Variants in MYORG observed in about 807,000 individuals in gnomAD.
The protein encoded by MYORG is alpha-galactosidase MYORG.
In MYORG, 45 loss-of-function variants were observed where a neutral mutation model predicts 49.8. The ratio of observed to expected loss-of-function variants is 0.90; its 90% CI spans 0.71 to 1.16. The LOEUF is 1.16. Ranked by LOEUF, MYORG falls within the 50% of genes most tolerant of loss-of-function variation. The pLI is 0.00. For synonymous variants in MYORG, 552 were observed against 462.9 expected (o/e 1.19, Z -2.47); for missense variants, 1,110 against 1,026.5 (o/e 1.08, Z -1.11).
At position 34,371,267 on chromosome 9, in the gene MYORG, C is replaced by T. The variant is rs1328504885; in HGVS notation, c.1677G>A (p.Val559=). 6.2e-7 allele frequency: 1 copy of T among 1,608,726 alleles called. No homozygotes were observed. The highest frequency in any genetic ancestry group is 1.3e-5 in the African/African-American group (1 of 74,900). ...ILPDMVGGNA[V]PQRTAGGDVP... is the part of the protein sequence containing the mutation. ...CATCGCCGCCGGCTGTCCGCTGGGG[C>T]ACGGCGTTGCCGCCCACCATATCGG... The change falls in exon 2 of 2, where the codon GTG becomes GTA. Residue 559 remains valine, a synonymous_variant. Transcript: ENST00000297625.
chr9:34,373,675 A>T (rs1452089793), intron 1 of MYORG, among the ~76,000 whole-genome samples: 1 of 152,066 alleles, frequency 6.6e-6, no homozygotes, highest in African/African-American at 2.4e-5. Context: ...CTGGCTTCGA[A>T]CTCATGACCT....
In MYORG at chr9:34,372,518, C is replaced by T. The variant is rs751344384; in HGVS notation, c.426G>A (p.Pro142=). The T allele has an allele frequency of 1.1e-5, 18 of 1,600,610 alleles. No homozygotes were observed. The highest frequency in any genetic ancestry group is 1.3e-5 in the Non-Finnish European group (15 of 1,174,540). Residue 142 remains proline, a synonymous_variant, in exon 2 of 2, where the codon CCG becomes CCA. Transcript: ENST00000297625. The part of the protein sequence containing the change: ...LGCSLTADGL[P]LHFFIQTVRP... ...GCACAGTCTGGATGAAGAAGTGCAG[C>T]GGCAGCCCGTCGGCCGTGAGCGAGC...
In MYORG at chr9:34,368,990, G is replaced by A. The variant is rs1234881875; in HGVS notation, c.*1809C>T. 7 of 152,182 alleles carry A rather than the reference G, an allele frequency of 4.6e-5. No individual in the cohort carries two copies. The highest frequency in any genetic ancestry group is 1.7e-4 in the African/African-American group (7 of 41,426). The allele number at this position is 152,182 out of a possible 1,614,324, so 9.4% of individuals were successfully genotyped here. A position where few individuals can be genotyped will look rare whatever the true frequency, so the allele number is the denominator to read the frequency against. On this transcript the variant is annotated 3_prime_UTR_variant, in exon 2 of 2. Coordinates refer to ENST00000297625, the MANE Select transcript of MYORG (RefSeq NM_020702.5). ...CCTCACAAGCATGACAGAAAGGCAC[G>A]TCTTACATGGCGGCAGGCAAGAGAG...
At position 34,371,075 on chromosome 9, in the gene MYORG, C is replaced by T. The variant is rs879357860; in HGVS notation, c.1869G>A (p.Ala623=). Reference sequence around the variant, plus strand: ...GGTCACCCGTGTCGGTGACCTCGCCCGCCAGCTCAAGCAACAGCGGTGCCA... The same window carrying T: ...GGTCACCCGTGTCGGTGACCTCGCCTGCCAGCTCAAGCAACAGCGGTGCCA... ...SLVAPLLLEL[A]GEVTDTGDPI... The change falls in exon 2 of 2, where the codon GCG becomes GCA. Residue 623 remains alanine, a synonymous_variant. Coordinates refer to ENST00000297625, the MANE Select transcript of MYORG (RefSeq NM_020702.5). The T allele has an allele frequency of 1.9e-6, 3 of 1,611,048 alleles. No homozygotes were observed. The highest frequency in any genetic ancestry group is 1.7e-4 in the Middle Eastern group (1 of 6,058).
rs1241632792 is a variant in MYORG, at chr9:34,371,879, C to G, written c.1065G>C (p.Met355Ile). 5.6e-6 allele frequency: 9 copies of G among 1,614,062 alleles called. No individual in the cohort carries two copies. Among genetic ancestry groups the G allele is most frequent in the Non-Finnish European group, 6.8e-6 (8 of 1,179,896 alleles). ...CGAAGTCGCCATAAGCAGGTGTGTA[C>G]ATGTCGTCGATTTCCAGGTGGCTGC... Reference protein sequence around the residue: ...FNSSHLEIDDMYTPAYGDFDF... With the variant: ...FNSSHLEIDDIYTPAYGDFDF... Residue 355 changes from methionine (M) to isoleucine (I), a missense_variant, in exon 2 of 2, where the codon ATG becomes ATC. Coordinates refer to ENST00000297625, the MANE Select transcript of MYORG (RefSeq NM_020702.5).
rs1820517135 is a variant in MYORG, at chr9:34,367,408, A to G, written c.*3391T>C. Reference sequence around the variant, plus strand: ...CATTTCAGCATTAACTCAAAAGTCCATACTCCAAAGTCTCATCTGAAACAA... The same window carrying G: ...CATTTCAGCATTAACTCAAAAGTCCGTACTCCAAAGTCTCATCTGAAACAA... On this transcript the variant is annotated 3_prime_UTR_variant, in exon 2 of 2. Coordinates refer to ENST00000297625, the MANE Select transcript of MYORG (RefSeq NM_020702.5). 6.6e-6 allele frequency: 1 copy of G among 152,162 alleles called. No homozygotes were observed. Among genetic ancestry groups the G allele is most frequent in the Non-Finnish European group, 1.5e-5 (1 of 68,018 alleles). The allele number at this position is 152,162 out of a possible 1,614,324, so 9.4% of individuals were successfully genotyped here.
Position 34,371,057 on chromosome 9 carries a change from C to T in MYORG, c.1887G>A (p.Thr629=), listed in dbSNP as rs1196689359. ...AAAGGGGGCGCACGATAGGGTCACC[C>T]GTGTCGGTGACCTCGCCCGCCAGCT... ...LLELAGEVTD[T]GDPIVRPLWW... is the part of the protein sequence containing the mutation. Residue 629 remains threonine (T), a synonymous_variant, in exon 2 of 2, where the codon ACG becomes ACA. Transcript: ENST00000297625. The T allele has an allele frequency of 1.2e-6, 2 of 1,611,950 alleles. No individual in the cohort carries two copies. Among genetic ancestry groups the T allele is most frequent in the Admixed American group, 1.7e-5 (1 of 59,976 alleles).
chr9:34,372,355 G>A lies in MYORG; in HGVS notation c.589C>T (p.Pro197Ser), dbSNP rs752474767. 4.4e-6 allele frequency: 7 copies of A among 1,596,888 alleles called. No homozygotes were observed. The highest frequency in any genetic ancestry group is 1.7e-4 in the Middle Eastern group (1 of 5,850). ...TCCTGCTGGCCATCCAGGCGGATGG[G>A]CCAGTGTTGCGTCCTCATCTCGGCG... The part of the protein sequence containing the change: ...GGAEMRTQHW[P>S]IRLDGQQEPQ... The change falls in exon 2 of 2, where the codon CCC becomes TCC. Residue 197 changes from proline to serine, a missense_variant. Pro to Ser is a moderately conservative substitution (Grantham distance 74). Transcript: ENST00000297625.
rs780976287 is a variant in MYORG, at chr9:34,371,595, C to T, written c.1349G>A (p.Arg450Gln). The change falls in exon 2 of 2, where the codon CGG becomes CAG. Residue 450 changes from arginine (R) to glutamine (Q), a missense_variant. Transcript: ENST00000297625. The stretch of plus-strand genomic sequence containing the variant: ...AGCCACGGAGTAGCGAGAGCGCAGC[C>T]GCCGCAGGTGTCCCTGGAACCAGTC... ...ARDWFQGHLR[R>Q]LRSRYSVASF... 2 of 1,604,878 alleles carry T rather than the reference C, an allele frequency of 1.2e-6. No homozygotes were observed. The highest frequency in any genetic ancestry group is 2.2e-5 in the South Asian group (2 of 90,712).
Position 34,371,607 on chromosome 9 carries a change from C to T in MYORG, c.1337G>A (p.Gly446Glu). 2.5e-6 allele frequency: 4 copies of T among 1,606,224 alleles called. No homozygotes were observed. Among genetic ancestry groups the T allele is most frequent in the Non-Finnish European group, 3.4e-6 (4 of 1,178,394 alleles). ...GCGAGAGCGCAGCCGCCGCAGGTGTCCCTGGAACCAGTCGCGGGCCTTTGG... is the reference window on the plus strand; with the variant it reads ...GCGAGAGCGCAGCCGCCGCAGGTGTTCCTGGAACCAGTCGCGGGCCTTTGG... ...THPKARDWFQ[G>E]HLRRLRSRYS... The change falls in exon 2 of 2, where the codon GGA becomes GAA. Residue 446 changes from glycine (G) to glutamate (E), a missense_variant. Transcript: ENST00000297625.
In MYORG at chr9:34,372,807, G is replaced by T. The variant is rs372773584; in HGVS notation, c.137C>A (p.Ala46Asp). The change falls in exon 2 of 2, where the codon GCC (alanine) becomes GAC (aspartate). Residue 46 changes from alanine (A) to aspartate (D), a missense_variant. Transcript: ENST00000297625. ...YTFLPDNFSP[A>D]KPKPSKDLKP... ...CAGGTCTTTGGAAGGCTTGGGCTTG[G>T]CAGGTGAGAAGTTGTCGGGCAGGAA... 4.3e-6 allele frequency: 7 copies of T among 1,613,932 alleles called. No individual in the cohort carries two copies. The highest frequency in any genetic ancestry group is 5.9e-6 in the Non-Finnish European group (7 of 1,179,894).
At position 34,376,530 on chromosome 9, in the gene MYORG, A is replaced by G. The variant is rs1588007363; in HGVS notation, c.-64+263T>C. ...ATCCGGCCCATCTCCCTCTCCTGCCAGGCGACGGTATCCGCGGGGATCGAG... is the reference window on the plus strand; with the variant it reads ...ATCCGGCCCATCTCCCTCTCCTGCCGGGCGACGGTATCCGCGGGGATCGAG... On this transcript the variant is annotated intron_variant, in intron 1 of 1. Transcript: ENST00000297625. The surrounding 1 kb of genome is among the most constrained non-coding windows in gnomAD (Gnocchi z 4.4). Among the ~76,000 whole-genome samples, 1 of 152,224 alleles carries G rather than the reference A, an allele frequency of 6.6e-6. No individual in the cohort carries two copies. The highest frequency in any genetic ancestry group is 2.4e-5 in the African/African-American group (1 of 41,464).
chr9:34,370,826 CTCATCCAGGTCGACCGGGTAA>C lies in MYORG; in HGVS notation c.2097_2117del (p.Asp699_Asp705del). On this transcript the variant is annotated inframe_deletion, in exon 2 of 2. Transcript: ENST00000297625. ...AGGACGCCCAGGTAAAGTAGGCGAT[CTCATCCAGGTCGACCGGGTAA>C]TCGGTGAGCAGCACCGGCGTCTTGT... 6.3e-7 allele frequency: 1 copy of C among 1,589,364 alleles called. No homozygotes were observed. The highest frequency in any genetic ancestry group is 8.6e-7 in the Non-Finnish European group (1 of 1,162,050).
Position 34,372,390 on chromosome 9 carries a change from C to T in MYORG, c.554G>A (p.Trp185Ter), listed in dbSNP as rs1321262435. The change falls in exon 2 of 2, where the codon TGG becomes TAG. Residue 185 changes from tryptophan to a stop codon, truncating the protein, a stop_gained. Coordinates refer to ENST00000297625, the MANE Select transcript of MYORG (RefSeq NM_020702.5). LOFTEE classifies it high-confidence loss of function. ...CGTCCTCATCTCGGCGCCACCATAC[C>T]AGTGGGCCGCCGCGTCGCCCAAGAA... ...AMFLGDAAAH[W>*]YGGAEMRTQH... The T allele has an allele frequency of 6.3e-7, 1 of 1,587,326 alleles. No individual in the cohort carries two copies. Among genetic ancestry groups the T allele is most frequent in the Non-Finnish European group, 8.6e-7 (1 of 1,168,126 alleles).
chr9:34,374,709 T>C (rs1820692287), intron 1 of MYORG, among the ~76,000 whole-genome samples: 1 of 150,156 alleles, frequency 6.7e-6, no homozygotes, highest in African/African-American at 2.5e-5. Flanking sequence ...CTGGGCAACA[T>C]GTTGAAACCC....
At position 34,372,292 on chromosome 9, in the gene MYORG, CGGA is replaced by C. The variant is rs1484292381; in HGVS notation, c.649_651del (p.Ser217del). 9.3e-6 allele frequency: 15 copies of C among 1,610,324 alleles called. No homozygotes were observed. In the African/African-American group the frequency reaches 1.3e-4, roughly 14 times the overall value. On this transcript the variant is annotated inframe_deletion, in exon 2 of 2. Coordinates refer to ENST00000297625, the MANE Select transcript of MYORG (RefSeq NM_020702.5). ...TCGAGGATGCCCCCAAACGCGGCGT[CGGA>C]GGAGTAGACATCGCTGGTGACGAAC... is the stretch of plus-strand genomic sequence containing the variant.
rs1820724087 is a variant in MYORG, at chr9:34,376,613, G to C, written c.-64+180C>G. On this transcript the variant is annotated intron_variant, in intron 1 of 1. Coordinates refer to ENST00000297625, the MANE Select transcript of MYORG (RefSeq NM_020702.5). The surrounding 1 kb of genome is among the most constrained non-coding windows in gnomAD (Gnocchi z 4.4). ...CCGCCCTCCCTACCCCGCCCTGAAG[G>C]CTATACTGTCCGAAGGGGCCGACCG... Among the ~76,000 whole-genome samples the C allele has an allele frequency of 6.6e-6, 1 of 152,164 alleles. No homozygotes were observed. Among genetic ancestry groups the C allele is most frequent in the Admixed American group, 6.5e-5 (1 of 15,282 alleles).
In MYORG at chr9:34,372,206, G is replaced by T. The variant is rs1426841752; in HGVS notation, c.738C>A (p.His246Gln). 5 of 1,611,910 alleles carry T rather than the reference G, an allele frequency of 3.1e-6. No homozygotes were observed. Among genetic ancestry groups the T allele is most frequent in the Non-Finnish European group, 3.4e-6 (4 of 1,179,380 alleles). Residue 246 changes from histidine (H) to glutamine (Q), a missense_variant, in exon 2 of 2, where the codon CAC becomes CAA. Coordinates refer to ENST00000297625, the MANE Select transcript of MYORG (RefSeq NM_020702.5). ...AGCGCTCCGTGCTGTTCCAGCCCAG[G>T]TGGAAGGGCACTGAGTCATTGACTT... ...AIKVNDSVPFHLGWNSTERSL... is the reference protein window; with the variant it reads ...AIKVNDSVPFQLGWNSTERSL...
intron 1 of MYORG, among the ~76,000 whole-genome samples, chr9:34,374,737 C>CA (rs35145584): frequency 0.074 from 10,201 of 138,116 alleles, 378 homozygotes; most frequent in Middle Eastern, 0.11. Flanking sequence ...ACCAAAAATA[C>CA]AAAAAAAAAA....
Sources: gnomAD v4.1 joint callset for allele counts (sites outside exome capture counted in the v4.1 genomes callset) on GRCh38, gnomAD v4.1.1 for gene constraint, Gnocchi (gnomAD v3.1) non-coding constraint, MANE v1.5 for transcripts, NCBI Gene and HGNC (gene_info 2026-07-23, HGNC 2026-07-21) for gene names.